The following MAST4 variants were observed in gnomAD, a reference collection of about 807,000 sequenced individuals.
The protein encoded by MAST4 is microtubule-associated serine/threonine-protein kinase 4.
In MAST4, 89 loss-of-function variants were observed where a neutral mutation model predicts 162.7. The ratio of observed to expected loss-of-function variants is 0.55; its 90% confidence interval spans 0.46 to 0.65. The LOEUF (loss-of-function observed/expected upper bound fraction) is 0.65, where lower values mean the gene tolerates loss of function less well. Among genes scored for constraint, MAST4 ranks in the 30% least tolerant of loss-of-function variants. The pLI is 0.00. For missense variants in MAST4, 3,153 were observed against 3,374.0 expected (o/e 0.93, Z 1.62); for synonymous variants, 1,479 against 1,361.1 (o/e 1.09, Z -1.91).
intron 1 of MAST4, among the ~76,000 whole-genome samples, chr5:66,726,801 C>T (rs541990183): frequency 6.6e-6 from 1 of 152,072 alleles, no homozygotes; most frequent in Admixed American, 6.6e-5. Context: ...ACTGCGCATA[C>T]GAGGGATCTA....
chr5:66,781,109 G>A (rs192630875), intron 2 of MAST4, among the ~76,000 whole-genome samples: 6 of 152,316 alleles, frequency 3.9e-5, no homozygotes, highest in African/African-American at 9.6e-5. Context: ...GAATACTTGA[G>A]TTGTTTCCTC....
chr5:66,952,743 G>A (rs561735081), intron 4 of MAST4, among the ~76,000 whole-genome samples: 2 of 152,208 alleles, frequency 1.3e-5, no homozygotes, highest in East Asian at 1.9e-4. Flanking sequence ...CTTTACAATC[G>A]CTGCTCCCTT....
chr5:66,736,315 A>AT (rs150887206), intron 1 of MAST4, among the ~76,000 whole-genome samples: 45,603 of 138,992 alleles, frequency 0.33, 7,392 homozygotes, highest in Non-Finnish European at 0.36. Flanking sequence ...TAGTGAGGGA[A>AT]TTTTTTTTTT....
At chr5:66,796,519 C>T (rs1402585907) in intron 3 of MAST4, among the ~76,000 whole-genome samples, 1 of 152,122 alleles carries the variant, frequency 6.6e-6, no homozygotes, top group Admixed American at 6.5e-5. Flanking sequence ...GTGGGTGTGC[C>T]TGGAAAGACC....
chr5:67,054,294 T>C, intron 4 of MAST4, 110 bp from the exon 5 acceptor site: 1 of 756,554 alleles, frequency 1.3e-6, no homozygotes, highest in South Asian at 2.1e-5. Flanking sequence ...ATTTTAACAA[T>C]AACATGAGCA....
chr5:66,652,998 G>A (rs1346388705), intron 1 of MAST4, among the ~76,000 whole-genome samples: 1 of 152,150 alleles, frequency 6.6e-6, no homozygotes, highest in Non-Finnish European at 1.5e-5. Flanking sequence ...TAGGGAGTAG[G>A]TCATATCATA....
chr5:66,683,344 G>A lies in MAST4; in HGVS notation c.364-76365G>A, dbSNP rs537962631. ...CTTTGATTTTTATTCTGGTTCATTG[G>A]ACTGTTAAATGCTTTCTGTGGGCTG... On this transcript the variant is annotated intron_variant, in intron 1 of 28. Transcript: ENST00000403625. 4.6e-5 allele frequency among the ~76,000 whole-genome samples: 7 copies of A among 152,260 alleles called. No homozygotes were observed. The East Asian group carries it at 1.4e-3, about 29-fold the overall frequency.
chr5:66,631,372 A>AT (rs1744783416), intron 1 of MAST4, among the ~76,000 whole-genome samples: 1 of 152,176 alleles, frequency 6.6e-6, no homozygotes, highest in Non-Finnish European at 1.5e-5. Flanking sequence ...AATGAAAAAC[A>AT]TTCTGGAATT....
intron 1 of MAST4, among the ~76,000 whole-genome samples, chr5:66,604,662 C>T (rs1742763840): frequency 6.6e-6 from 1 of 152,178 alleles, no homozygotes; most frequent in Non-Finnish European, 1.5e-5. Context: ...ACTTGGCTAG[C>T]TCCTTTTTTT....
At chr5:66,752,645 C>A (rs1237622930) in intron 1 of MAST4, among the ~76,000 whole-genome samples, 2 of 148,986 alleles carry the variant, frequency 1.3e-5, no homozygotes, top group Non-Finnish European at 3.0e-5. Context: ...ATTCATAAAG[C>A]AAGTCCTGAG....
chr5:66,755,612 T>C (rs1753488343), intron 1 of MAST4, among the ~76,000 whole-genome samples: 2 of 152,238 alleles, frequency 1.3e-5, no homozygotes, highest in South Asian at 4.1e-4. Flanking sequence ...GGCTTGTAAA[T>C]GATGTGCCTT....
intron 1 of MAST4, among the ~76,000 whole-genome samples, chr5:66,655,636 G>A (rs567502701): frequency 2.8e-4 from 42 of 152,218 alleles, no homozygotes; most frequent in African/African-American, 9.4e-4. Context: ...ATACAAAGAC[G>A]GCTCTTTGCT....
intron 21 of MAST4, 115 bp from the exon 22 acceptor site, chr5:67,144,554 C>G (rs1770827692): frequency 9.4e-7 from 1 of 1,062,092 alleles, no homozygotes; most frequent in African/African-American, 1.6e-5. Context: ...TCTGAATACA[C>G]AATATTAGTT....
At chr5:66,628,505 A>G (rs890786389) in intron 1 of MAST4, among the ~76,000 whole-genome samples, 18 of 152,060 alleles carry the variant, frequency 1.2e-4, no homozygotes, top group African/African-American at 4.1e-4. Context: ...CTTCCTATTG[A>G]TTATAGAGGG....
At chr5:67,159,339 AT>A (rs529436412) in intron 26 of MAST4, among the ~76,000 whole-genome samples, 4 of 151,770 alleles carry the variant, frequency 2.6e-5, no homozygotes, top group Non-Finnish European at 5.9e-5. Flanking sequence ...AAGCTTCTTA[AT>A]TTTTTTTTAA....
intron 2 of MAST4, among the ~76,000 whole-genome samples, chr5:66,784,126 T>C (rs1755001709): frequency 1.3e-5 from 2 of 152,048 alleles, no homozygotes; most frequent in South Asian, 4.1e-4. Context: ...CCCTGGCTCC[T>C]TGCTTTTCAA....
At chr5:67,090,550 T>C (rs1006554920) in intron 6 of MAST4, among the ~76,000 whole-genome samples, 1 of 147,954 alleles carries the variant, frequency 6.8e-6, no homozygotes, top group East Asian at 2.0e-4. Context: ...CCAAAGAGCT[T>C]AGGCTGCCAC....
chr5:66,964,326 C>T (rs902477072), intron 4 of MAST4, among the ~76,000 whole-genome samples: 1 of 152,164 alleles, frequency 6.6e-6, no homozygotes, highest in African/African-American at 2.4e-5. Context: ...GGAACTCTTA[C>T]ATTTTAGCAT....
intron 3 of MAST4, among the ~76,000 whole-genome samples, chr5:66,855,795 C>T (rs1046559559): frequency 6.6e-6 from 1 of 152,194 alleles, no homozygotes; most frequent in Non-Finnish European, 1.5e-5. Context: ...CTTTGTTTCA[C>T]TTCTGGGCCT....
Sources: allele counts gnomAD v4.1 joint callset (sites outside exome capture counted in the v4.1 genomes callset), GRCh38; gene constraint gnomAD v4.1.1; transcripts MANE v1.5; gene names NCBI Gene and HGNC (gene_info 2026-07-23, HGNC 2026-07-21).